The following KCND2 variants were observed in gnomAD, a reference collection of about 807,000 sequenced individuals.
KCND2 encodes A-type voltage-gated potassium channel KCND2.
A neutral mutation model predicts 54.4 loss-of-function variants in KCND2; 16 were observed. The observed-to-expected ratio is 0.29, with a 90% CI of 0.20 to 0.45. The LOEUF (loss-of-function observed/expected upper bound fraction) is 0.45, where lower values mean the gene tolerates loss of function less well. KCND2 is among the 20% of genes least tolerant of loss of function. The pLI is 1.00. For missense variants in KCND2, 486 were observed against 824.2 expected, an observed-to-expected ratio of 0.59 and a Z score of 5.02; for synonymous variants, 317 against 310.7, an observed-to-expected ratio of 1.02 and a Z score of -0.21.
chr7:120,568,115 CATAA>C (rs1562875327), intron 1 of KCND2, among the ~76,000 whole-genome samples: 1 of 151,878 alleles, frequency 6.6e-6, no homozygotes, highest in Admixed American at 6.6e-5. Flanking sequence ...CTTTTCTCAA[CATAA>C]ATAGAGGAAC....
At chr7:120,593,106 A>G (rs1297551144) in intron 1 of KCND2, among the ~76,000 whole-genome samples, 1 of 152,174 alleles carries the variant, frequency 6.6e-6, no homozygotes, top group African/African-American at 2.4e-5. Context: ...ACAAATATCA[A>G]ATAGGTTCAA....
rs1562995549 is a variant in KCND2, at chr7:120,281,484, C to G, written c.1115+5737C>G. Among the ~76,000 whole-genome samples the G allele has an allele frequency of 3.3e-5, 5 of 150,806 alleles. No individual in the cohort carries two copies. The South Asian group carries it at 1.0e-3, about 31-fold the overall frequency. ...CATTTTTGTGCATATTTGCACTGCT[C>G]TTTGAATGTTTTGCCCTTTAGTTTT... is the stretch of plus-strand genomic sequence containing the variant. On this transcript the variant is annotated intron_variant, in intron 1 of 5. Coordinates refer to ENST00000331113, the MANE Select transcript of KCND2 (RefSeq NM_012281.3).
chr7:120,289,854 A>G (rs1280977818), intron 1 of KCND2, among the ~76,000 whole-genome samples: 3 of 152,054 alleles, frequency 2.0e-5, no homozygotes, highest in Admixed American at 6.6e-5. Context: ...ATTCTTGTTC[A>G]CCTTTATTTT....
intron 1 of KCND2, among the ~76,000 whole-genome samples, chr7:120,568,146 G>A (rs1792320954): frequency 6.6e-6 from 1 of 151,982 alleles, no homozygotes; most frequent in African/African-American, 2.4e-5. Context: ...TAATGACTGT[G>A]AGACAGACAG....
chr7:120,713,540 C>G (rs1473170327), intron 1 of KCND2, among the ~76,000 whole-genome samples: 1 of 152,094 alleles, frequency 6.6e-6, no homozygotes, highest in African/African-American at 2.4e-5. Flanking sequence ...AAGAGCTACT[C>G]TAGTGTTCAG....
chr7:120,735,175 T>TAGAACTCCTCC (rs1323904482), intron 2 of KCND2, among the ~76,000 whole-genome samples: 1 of 152,012 alleles, frequency 6.6e-6, no homozygotes, highest in African/African-American at 2.4e-5. Context: ...GAACTGATCA[T>TAGAACTCCTCC]CTAACGAATA....
chr7:120,307,116 T>A (rs1199041082), intron 1 of KCND2, among the ~76,000 whole-genome samples: 1 of 152,066 alleles, frequency 6.6e-6, no homozygotes, highest in South Asian at 2.1e-4. Context: ...ATGTCTAATA[T>A]AATATTTTCC....
intron 1 of KCND2, among the ~76,000 whole-genome samples, chr7:120,443,356 AATAATAAT>A (rs1801970731): frequency 1.2e-5 from 1 of 80,010 alleles, no homozygotes; most frequent in Admixed American, 1.0e-4. Flanking sequence ...AATAATAAAT[AATAATAAT>A]AATAATAATA....
At chr7:120,408,747 G>A (rs969463375) in intron 1 of KCND2, among the ~76,000 whole-genome samples, 29 of 151,568 alleles carry the variant, frequency 1.9e-4, no homozygotes, top group Admixed American at 2.0e-4. Flanking sequence ...ACTTATTGAC[G>A]GACAGAATCA....
intron 1 of KCND2, among the ~76,000 whole-genome samples, chr7:120,551,156 G>A (rs1260585092): frequency 2.0e-5 from 3 of 152,006 alleles, no homozygotes; most frequent in Admixed American, 6.6e-5. Context: ...GGGGAATAAA[G>A]GGAATAGAAT....
At chr7:120,382,693 A>G (rs1409701260) in intron 1 of KCND2, among the ~76,000 whole-genome samples, 1 of 151,890 alleles carries the variant, frequency 6.6e-6, no homozygotes, top group Non-Finnish European at 1.5e-5. Context: ...GGTTTAATTT[A>G]AAAATATCTT....
At chr7:120,730,387 A>G (rs1047013186) in intron 1 of KCND2, among the ~76,000 whole-genome samples, 1 of 152,208 alleles carries the variant, frequency 6.6e-6, no homozygotes, top group Non-Finnish European at 1.5e-5. Context: ...ACAGCATTGT[A>G]TAAAAAGGAG....
At chr7:120,578,596 G>A (rs1163683783) in intron 1 of KCND2, among the ~76,000 whole-genome samples, 1 of 152,168 alleles carries the variant, frequency 6.6e-6, no homozygotes, top group Admixed American at 6.5e-5. Context: ...GCCAGGCGCA[G>A]TGGTTCACAC....
At chr7:120,336,039 C>T (rs1422888881) in intron 1 of KCND2, among the ~76,000 whole-genome samples, 3 of 151,964 alleles carry the variant, frequency 2.0e-5, no homozygotes, top group Admixed American at 1.3e-4. Flanking sequence ...AACCATAATT[C>T]CTAATTTTTT....
chr7:120,722,309 A>G (rs1020625775), intron 1 of KCND2, among the ~76,000 whole-genome samples: 8 of 152,112 alleles, frequency 5.3e-5, no homozygotes, highest in African/African-American at 1.9e-4. Context: ...CTGAGTGAGA[A>G]CACCAGGCCT....
chr7:120,529,371 C>G (rs116207922), intron 1 of KCND2, among the ~76,000 whole-genome samples: 225 of 152,236 alleles, frequency 1.5e-3, no homozygotes, highest in African/African-American at 5.0e-3. Context: ...TCACCTTCAC[C>G]CTGTTCTCCT....
chr7:120,627,259 G>A (rs113018442), intron 1 of KCND2, among the ~76,000 whole-genome samples: 1 of 152,060 alleles, frequency 6.6e-6, no homozygotes, highest in African/African-American at 2.4e-5. Flanking sequence ...GAAGAGAAAG[G>A]CAAATAAACA....
intron 1 of KCND2, among the ~76,000 whole-genome samples, chr7:120,731,552 T>G (rs1269507150): frequency 6.6e-6 from 1 of 152,148 alleles, no homozygotes; most frequent in Non-Finnish European, 1.5e-5. Flanking sequence ...GAGGCAAAAC[T>G]GAGGAGTTTG....
intron 1 of KCND2, among the ~76,000 whole-genome samples, chr7:120,459,815 T>G (rs1802257031): frequency 6.6e-6 from 1 of 152,224 alleles, no homozygotes; most frequent in Admixed American, 6.5e-5. Flanking sequence ...TATTTGGATG[T>G]TGTATTTCTA....
Sources: gnomAD v4.1 joint callset for allele counts (sites outside exome capture counted in the v4.1 genomes callset) on GRCh38, gnomAD v4.1.1 for gene constraint, MANE v1.5 for transcripts, NCBI Gene and HGNC (gene_info 2026-07-23, HGNC 2026-07-21) for gene names.